Variants in CSRNP1 observed in about 807,000 individuals in gnomAD.
The protein encoded by CSRNP1 is cysteine and serine rich nuclear protein 1, also known as cysteine/serine-rich nuclear protein 1.
In CSRNP1, 8 loss-of-function variants were observed where a neutral mutation model predicts 25.0. That is an observed-to-expected ratio of 0.32 (90% CI 0.19 to 0.58). CSRNP1 has a LOEUF of 0.58. Among genes scored for constraint, CSRNP1 ranks in the 20% least tolerant of loss-of-function variants. The probability of loss-of-function intolerance (pLI) is 0.88; values close to 1 mark genes in which losing one functional copy is unlikely to be tolerated. For synonymous variants in CSRNP1, 305 were observed against 303.1 expected (o/e 1.01, Z -0.06); for missense variants, 691 against 773.1 (o/e 0.89, Z 1.26).
intron 1 of CSRNP1, chr3:39,148,698 C>T (rs1009415069): frequency 6.6e-6 from 1 of 152,428 alleles, no homozygotes; most frequent in African/African-American, 2.4e-5. Flanking sequence ...AAGCCAGAAA[C>T]CTGCAGTCAT....
At chr3:39,148,175 C>T (rs1387158955) in intron 1 of CSRNP1, 2 of 152,196 alleles carry the variant, frequency 1.3e-5, no homozygotes, top group Non-Finnish European at 2.9e-5. Flanking sequence ...CAATCCCCCA[C>T]CCTGGGCCTG....
Position 39,143,532 on chromosome 3 carries a change from A to G in CSRNP1, c.1293T>C (p.Thr431=). The G allele has an allele frequency of 6.2e-7, 1 of 1,614,214 alleles. No homozygotes were observed. The highest frequency in any genetic ancestry group is 1.1e-5 in the South Asian group (1 of 91,086). ...AGCTGGCCAGGCCACCAGGGTCACT[A>G]GTACCAAAGATGTCAGCTGGATGGA... ...SCFHPADIFG[T]SDPGGLASWT... is the part of the protein sequence containing the mutation. Residue 431 remains threonine, a synonymous_variant, in exon 5 of 5, where the codon ACT becomes ACC. Transcript: ENST00000273153.
chr3:39,143,809 A>G lies in CSRNP1; in HGVS notation c.1016T>C (p.Met339Thr), dbSNP rs987660939. ...VPTFPLAKPP[M>T]NNELGDNSCS... The stretch of plus-strand genomic sequence containing the variant: ...GCTGTTGTCTCCCAGCTCATTGTTC[A>G]TGGGGGGCTTGGCCAGTGGGAAAGT... The change falls in exon 5 of 5, where the codon ATG becomes ACG. Residue 339 changes from methionine (M) to threonine (T), a missense_variant. Physicochemically the swap from Met to Thr is moderately conservative, Grantham distance 81. Transcript: ENST00000273153. 17 of 1,614,026 alleles carry G rather than the reference A, an allele frequency of 1.1e-5. No individual in the cohort carries two copies. Among genetic ancestry groups the G allele is most frequent in the Admixed American group, 1.7e-5 (1 of 59,996 alleles).
chr3:39,150,291 G>GCTCA (rs1402155144), intron 1 of CSRNP1: 1 of 152,234 alleles, frequency 6.6e-6, no homozygotes, highest in African/African-American at 2.4e-5. Context: ...GGGCCTCATT[G>GCTCA]CTCATCTGCC....
Position 39,143,933 on chromosome 3 carries a change from T to A in CSRNP1, c.892A>T (p.Thr298Ser), listed in dbSNP as rs151312697. Residue 298 changes from threonine (T) to serine (S), a missense_variant, in exon 5 of 5, where the codon ACC becomes TCC. Transcript: ENST00000273153. The stretch of plus-strand genomic sequence containing the variant: ...GCCTCCTGTTCCAACTGCAGGCGGG[T>A]GAGTGTGTGGATGAAATGGGTCTGA... ...RVQTHFIHTL[T>S]RLQLEQEAES... The A allele has an allele frequency of 6.2e-7, 1 of 1,613,924 alleles. No individual in the cohort carries two copies. The highest frequency in any genetic ancestry group is 8.5e-7 in the Non-Finnish European group (1 of 1,179,958).
chr3:39,147,046 AAC>A (rs5848492), intron 1 of CSRNP1, among the ~76,000 whole-genome samples: 87,578 of 149,944 alleles, frequency 0.58, 26,649 homozygotes, highest in South Asian at 0.73. Flanking sequence ...ACATACACAA[AAC>A]ACACACACAC....
chr3:39,151,823 C>T (rs2039586116), intron 1 of CSRNP1: 1 of 152,302 alleles, frequency 6.6e-6, no homozygotes, highest in African/African-American at 2.4e-5. Flanking sequence ...GGGGACGGCT[C>T]CTCGGCTTTG....
chr3:39,146,547 C>T lies in CSRNP1; in HGVS notation c.136G>A (p.Glu46Lys), dbSNP rs1403380381. Reference protein sequence around the residue: ...SSSVSRAWDSEEEGPWDQMPL... With the variant: ...SSSVSRAWDSKEEGPWDQMPL... ...ATCTGATCCCAGGGGCCTTCCTCCT[C>T]TGAGTCCCAGGCACGGGAGACAGAA... Residue 46 changes from glutamate to lysine, a missense_variant, in exon 2 of 5, where the codon GAG (glutamate) becomes AAG (lysine). Glu to Lys is a moderately conservative substitution (Grantham distance 56). Transcript: ENST00000273153. The T allele has an allele frequency of 3.9e-6, 6 of 1,552,140 alleles. No individual in the cohort carries two copies. In the Admixed American group the frequency reaches 5.9e-5, roughly 15 times the overall value.
intron 1 of CSRNP1, chr3:39,149,419 C>A (rs751815651): frequency 6.6e-6 from 1 of 152,146 alleles, no homozygotes; most frequent in East Asian, 1.9e-4. Flanking sequence ...TGTAAAAATT[C>A]GTCTTATGGA....
intron 1 of CSRNP1, chr3:39,148,645 G>A (rs1315669901): frequency 6.6e-6 from 1 of 152,230 alleles, no homozygotes; most frequent in Non-Finnish European, 1.5e-5. Flanking sequence ...CTCTTCCTGT[G>A]TTCCCTATCT....
rs1412943088 is a variant in CSRNP1 at position 39,145,259 on chromosome 3, A to G, written c.206-3T>C. On this transcript the variant is annotated splice_polypyrimidine_tract_variant and splice_region_variant and intron_variant, in intron 2 of 4. Transcript: ENST00000273153. The stretch of plus-strand genomic sequence containing the variant: ...AGCCCGCTTCAGGATAGACAGGGCT[A>G]GAAAGCAGGCAAAGATGGGCTGGGG... 6.4e-7 allele frequency: 1 copy of G among 1,567,208 alleles called. No homozygotes were observed. Among genetic ancestry groups the G allele is most frequent in the Non-Finnish European group, 8.7e-7 (1 of 1,152,138 alleles).
chr3:39,148,202 T>C (rs528366334), intron 1 of CSRNP1: 8 of 152,282 alleles, frequency 5.3e-5, no homozygotes, highest in African/African-American at 1.7e-4. Context: ...GACTCACAGA[T>C]GTTTCCGGGG....
At chr3:39,145,367 T>C (rs898461166) in intron 2 of CSRNP1, 111 bp from the exon 3 acceptor site, 3 of 1,285,226 alleles carry the variant, frequency 2.3e-6, no homozygotes, top group Admixed American at 3.1e-5. Context: ...CCCTCCTCCC[T>C]CTCCACCCAT....
intron 2 of CSRNP1, among the ~76,000 whole-genome samples, 194 bp downstream of exon 2, chr3:39,146,284 G>A (rs1331806468): frequency 3.3e-5 from 5 of 152,182 alleles, no homozygotes; most frequent in Non-Finnish European, 7.3e-5. Context: ...CACTCCCAAG[G>A]TCAAAGGTGA....
chr3:39,143,226 C>G lies in CSRNP1; in HGVS notation c.1599G>C (p.Glu533Asp). 6.2e-7 allele frequency: 1 copy of G among 1,614,160 alleles called. No homozygotes were observed. The highest frequency in any genetic ancestry group is 8.5e-7 in the Non-Finnish European group (1 of 1,180,006). Residue 533 changes from glutamate to aspartate, a missense_variant, in exon 5 of 5, where the codon GAG (glutamate) becomes GAC (aspartate). Glu to Asp is a conservative substitution (Grantham distance 45). Coordinates refer to ENST00000273153, the MANE Select transcript of CSRNP1 (RefSeq NM_033027.4). Reference protein sequence around the residue: ...QKVSDSLDNIEAPHFPLPGLS... With the variant: ...QKVSDSLDNIDAPHFPLPGLS... The stretch of plus-strand genomic sequence containing the variant: ...GGCCAGGCAGGGGGAAGTGAGGTGC[C>G]TCGATGTTGTCCAGGCTGTCAGACA...
rs184833045 is a variant in CSRNP1, at chr3:39,148,091, C to T, written c.-40-1369G>A. Among the ~76,000 whole-genome samples, 3 of 152,288 alleles carry T rather than the reference C, an allele frequency of 2.0e-5. No homozygotes were observed. The East Asian group carries it at 5.8e-4, about 30-fold the overall frequency. Reference sequence around the variant, plus strand: ...TAGAGTTTGCTGTCAACCTTACTAACTGGATAATGTTTACCCCAGGGACAG... The same window carrying T: ...TAGAGTTTGCTGTCAACCTTACTAATTGGATAATGTTTACCCCAGGGACAG... On this transcript the variant is annotated intron_variant, in intron 1 of 4. Coordinates refer to ENST00000273153, the MANE Select transcript of CSRNP1 (RefSeq NM_033027.4).
Position 39,142,967 on chromosome 3 carries a change from G to A in CSRNP1, c.*88C>T. 6.9e-7 allele frequency: 1 copy of A among 1,451,628 alleles called. No individual in the cohort carries two copies. Among genetic ancestry groups the A allele is most frequent in the Non-Finnish European group, 9.3e-7 (1 of 1,078,116 alleles). 89.9% of individuals were successfully genotyped at this position (1,451,628 alleles called of 1,614,324 possible). ...GCACCTGTGGGTGAGCCAGCCAGTG[G>A]GAGACTGTTACGCAGACTCTGGGGA... On this transcript the variant is annotated 3_prime_UTR_variant, in exon 5 of 5. Coordinates refer to ENST00000273153, the MANE Select transcript of CSRNP1 (RefSeq NM_033027.4).
rs775624061 is a variant in CSRNP1, at chr3:39,143,061, C to G, written c.1764G>C (p.Pro588=). The stretch of plus-strand genomic sequence containing the variant: ...GGAAAAGACATCCTGGTCCTCACAC[C>G]GGCACAGGCTCCATTAGAGATGCTG... ...TVPASLMEPV[P]V is the part of the protein sequence containing the mutation. The change falls in exon 5 of 5, where the codon CCG becomes CCC. Residue 588 remains proline, a synonymous_variant. Coordinates refer to ENST00000273153, the MANE Select transcript of CSRNP1 (RefSeq NM_033027.4). The G allele has an allele frequency of 1.3e-6, 2 of 1,569,224 alleles. No homozygotes were observed. Among genetic ancestry groups the G allele is most frequent in the African/African-American group, 1.4e-5 (1 of 73,356 alleles).
At chr3:39,148,778 C>T (rs983000148) in intron 1 of CSRNP1, 3 of 152,274 alleles carry the variant, frequency 2.0e-5, no homozygotes, top group African/African-American at 4.8e-5. Flanking sequence ...CATGTAAATC[C>T]GTTTAATCCA....
Sources: gnomAD v4.1 joint callset for allele counts (sites outside exome capture counted in the v4.1 genomes callset) on GRCh38, gnomAD v4.1.1 for gene constraint, MANE v1.5 for transcripts, NCBI Gene and HGNC (gene_info 2026-07-23, HGNC 2026-07-21) for gene names.